The following LNPK variants were observed in gnomAD, a reference collection of about 807,000 sequenced individuals.
LNPK encodes lunapark, ER junction formation factor, also known as endoplasmic reticulum junction formation protein lunapark.
LNPK carries 29 observed loss-of-function variants against 55.2 expected under a neutral mutation model. The observed-to-expected ratio is 0.53, with a 90% confidence interval of 0.39 to 0.72. The LOEUF (loss-of-function observed/expected upper bound fraction) is 0.72, where lower values mean the gene tolerates loss of function less well. Ranked by LOEUF, LNPK falls within the 30% of genes least tolerant of loss-of-function variation. LNPK has a pLI of 0.00. For missense variants in LNPK, 467 were observed against 494.8 expected (o/e 0.94, Z 0.53); for synonymous variants, 162 against 168.2 (o/e 0.96, Z 0.29).
At chr2:175,974,299 G>T (rs549376001) in intron 5 of LNPK, among the ~76,000 whole-genome samples, 1 of 152,164 alleles carries the variant, frequency 6.6e-6, no homozygotes, top group South Asian at 2.1e-4. Flanking sequence ...GTATGCACGG[G>T]TAATAAAAAT....
At chr2:175,942,203 C>T (rs1458192527) in intron 9 of LNPK, among the ~76,000 whole-genome samples, 1 of 151,980 alleles carries the variant, frequency 6.6e-6, no homozygotes, top group Non-Finnish European at 1.5e-5. Flanking sequence ...TTTAAATCAC[C>T]TTAAAAGATA....
At chr2:175,967,743 G>A in intron 6 of LNPK, 2 of 974,402 alleles carry the variant, frequency 2.1e-6, no homozygotes, top group Non-Finnish European at 1.2e-6. Context: ...TTTCATATAA[G>A]AGTATTCCAC....
intron 8 of LNPK, among the ~76,000 whole-genome samples, chr2:175,960,330 G>A (rs1043457331): frequency 6.6e-6 from 1 of 152,106 alleles, no homozygotes; most frequent in Non-Finnish European, 1.5e-5. Flanking sequence ...CTCAGCAAAT[G>A]TAAAAGAACA....
At chr2:175,998,809 C>CAGAACTGGTACT (rs1398453782) in intron 1 of LNPK, among the ~76,000 whole-genome samples, 1 of 152,168 alleles carries the variant, frequency 6.6e-6, no homozygotes, top group Non-Finnish European at 1.5e-5. Flanking sequence ...CAGCTAGGGA[C>CAGAACTGGTACT]AGAACTGGTA....
At chr2:175,968,267 A>G (rs781451229) in intron 6 of LNPK, among the ~76,000 whole-genome samples, 2 of 152,200 alleles carry the variant, frequency 1.3e-5, no homozygotes, top group Non-Finnish European at 2.9e-5. Flanking sequence ...GGGAACTATA[A>G]CACTTTTCCT....
At chr2:175,977,748 G>A (rs548491034) in intron 5 of LNPK, among the ~76,000 whole-genome samples, 2 of 152,170 alleles carry the variant, frequency 1.3e-5, no homozygotes, top group East Asian at 3.9e-4. Context: ...GAAAAGAAGA[G>A]ATAACAACTA....
chr2:175,961,030 T>G (rs1686002313), intron 8 of LNPK, among the ~76,000 whole-genome samples: 1 of 152,154 alleles, frequency 6.6e-6, no homozygotes, highest in South Asian at 2.1e-4. Flanking sequence ...AATCCCTGAA[T>G]AGACTAATAA....
At chr2:175,979,889 A>G in intron 4 of LNPK, 21 bp from the exon 5 acceptor site, 1 of 1,553,204 alleles carries the variant, frequency 6.4e-7, no homozygotes, top group Non-Finnish European at 8.7e-7. Context: ...AGCAAAATTC[A>G]GAAACAAAAA....
At chr2:175,976,914 C>G (rs1159108497) in intron 5 of LNPK, among the ~76,000 whole-genome samples, 1 of 152,164 alleles carries the variant, frequency 6.6e-6, no homozygotes, top group Non-Finnish European at 1.5e-5. Context: ...ATAATATTTC[C>G]TATTGGTTCT....
intron 5 of LNPK, among the ~76,000 whole-genome samples, chr2:175,972,509 T>C (rs970101192): frequency 2.0e-5 from 3 of 152,116 alleles, no homozygotes; most frequent in African/African-American, 7.2e-5. Context: ...GTTCAACCTA[T>C]ATAATAATTG....
chr2:175,942,473 G>A (rs368530124), intron 9 of LNPK, among the ~76,000 whole-genome samples: 15 of 152,096 alleles, frequency 9.9e-5, no homozygotes, highest in South Asian at 4.2e-4. Flanking sequence ...GAAGATTCAC[G>A]TAACACAATG....
At position 175,970,126 on chromosome 2, in the gene LNPK, A is replaced by G. The variant is rs540937590; in HGVS notation, c.357+638T>C. ...TAATCATTAAAAAATTAGTAGCTCTATGTCAAACACCAACTTCAATTCACT... is the reference window on the plus strand; with the variant it reads ...TAATCATTAAAAAATTAGTAGCTCTGTGTCAAACACCAACTTCAATTCACT... On this transcript the variant is annotated intron_variant, in intron 6 of 12. Coordinates refer to ENST00000272748, the MANE Select transcript of LNPK (RefSeq NM_030650.3). Among the ~76,000 whole-genome samples the G allele has an allele frequency of 5.3e-5, 8 of 152,308 alleles. No individual in the cohort carries two copies. In the East Asian group the frequency reaches 1.5e-3, roughly 29 times the overall value.
intron 5 of LNPK, 133 bp downstream of exon 5, chr2:175,979,677 T>C (rs1392192606): frequency 3.0e-6 from 2 of 668,360 alleles, no homozygotes; most frequent in Admixed American, 3.9e-5. Context: ...ACCTTTCTCA[T>C]GCTTTATAAT....
At chr2:175,935,005 A>G (rs1305498319) in intron 12 of LNPK, among the ~76,000 whole-genome samples, 1 of 152,094 alleles carries the variant, frequency 6.6e-6, no homozygotes, top group East Asian at 1.9e-4. Context: ...TTTGTGCCCC[A>G]TCCTAAATGC....
At chr2:175,992,941 T>C (rs1456652572) in intron 3 of LNPK, among the ~76,000 whole-genome samples, 1 of 152,180 alleles carries the variant, frequency 6.6e-6, no homozygotes, top group East Asian at 1.9e-4. Context: ...CCTGTAACAC[T>C]GATTTACACC....
chr2:175,932,087 C>G (rs1291996098), intron 12 of LNPK: 1 of 438,644 alleles, frequency 2.3e-6, no homozygotes, highest in Non-Finnish European at 4.6e-6. Flanking sequence ...ATGTAACTCA[C>G]CAATAAACAT....
rs71690459 is a variant in LNPK at position 175,924,699 on chromosome 2, A to AG, written c.*5267_*5268insC. On this transcript the variant is annotated 3_prime_UTR_variant, in exon 13 of 13. Transcript: ENST00000272748. ...CTGAAAAAAAAACAAAACAAACAAA[A>AG]AAAAAAAACAAAGAAGAAGTTTATT... 1 of 132,026 alleles carries AG rather than the reference A, an allele frequency of 7.6e-6. No homozygotes were observed. Among genetic ancestry groups the AG allele is most frequent in the Non-Finnish European group, 1.7e-5 (1 of 60,360 alleles). The allele number at this position is 132,026 out of a possible 1,614,324, so 8.2% of individuals were successfully genotyped here.
At chr2:175,978,534 T>C (rs1452335073) in intron 5 of LNPK, among the ~76,000 whole-genome samples, 2 of 152,152 alleles carry the variant, frequency 1.3e-5, no homozygotes, top group Non-Finnish European at 2.9e-5. Flanking sequence ...ATTGTTGGTT[T>C]TTGGTAGGAG....
At chr2:175,969,068 GCT>G (rs1459950278) in intron 6 of LNPK, among the ~76,000 whole-genome samples, 1 of 151,386 alleles carries the variant, frequency 6.6e-6, no homozygotes, top group Non-Finnish European at 1.5e-5. Context: ...AAACAAAGCA[GCT>G]CTGTTAAAGG....
Sources: allele counts gnomAD v4.1 joint callset (sites outside exome capture counted in the v4.1 genomes callset), GRCh38; gene constraint gnomAD v4.1.1; transcripts MANE v1.5; gene names NCBI Gene and HGNC (gene_info 2026-07-23, HGNC 2026-07-21).